SGMS2: variants seen among roughly 807,000 people sequenced by gnomAD.
The protein encoded by SGMS2 is phosphatidylcholine:ceramide cholinephosphotransferase 2.
A neutral mutation model predicts 43.8 loss-of-function variants in SGMS2; 21 were observed. The ratio of observed to expected loss-of-function variants is 0.48; its 90% CI spans 0.34 to 0.69. The LOEUF (loss-of-function observed/expected upper bound fraction) is 0.69. Among genes scored for constraint, SGMS2 ranks in the 30% least tolerant of loss-of-function variants. The pLI, the probability that SGMS2 is intolerant of heterozygous loss-of-function variation, is 0.01. For missense variants in SGMS2, 384 were observed against 443.2 expected (o/e 0.87, Z 1.20); for synonymous variants, 167 against 160.6 (o/e 1.04, Z -0.30).
At chr4:107,904,967 G>C (rs1422056363) in intron 5 of SGMS2, among the ~76,000 whole-genome samples, 3 of 152,176 alleles carry the variant, frequency 2.0e-5, no homozygotes, top group Non-Finnish European at 2.9e-5. Context: ...AGATGGGGAT[G>C]AGGGTGGAGG....
chr4:107,858,234 G>A (rs980279346), intron 1 of SGMS2, among the ~76,000 whole-genome samples: 1 of 152,108 alleles, frequency 6.6e-6, no homozygotes, highest in African/African-American at 2.4e-5. Context: ...CTTTAAATAG[G>A]GGCTGGCAGG....
chr4:107,847,273 C>T (rs1055332312), intron 1 of SGMS2, among the ~76,000 whole-genome samples: 125 of 152,136 alleles, frequency 8.2e-4, no homozygotes, highest in Non-Finnish European at 1.6e-3. Context: ...TTTAATCCAT[C>T]TCGAATTGAT....
intron 1 of SGMS2, among the ~76,000 whole-genome samples, chr4:107,856,028 T>C (rs979673417): frequency 3.9e-5 from 6 of 152,122 alleles, no homozygotes; most frequent in Non-Finnish European, 7.4e-5. Flanking sequence ...TTGCTGTCTC[T>C]GCAGTGATTT....
At chr4:107,830,727 GT>G (rs201463030) in intron 1 of SGMS2, among the ~76,000 whole-genome samples, 26 of 151,670 alleles carry the variant, frequency 1.7e-4, no homozygotes, top group African/African-American at 6.1e-4. Context: ...GGGGTTGTTG[GT>G]TTTTTTTGCT....
At chr4:107,901,528 G>A (rs1731108815) in intron 4 of SGMS2, among the ~76,000 whole-genome samples, 1 of 152,180 alleles carries the variant, frequency 6.6e-6, no homozygotes, top group Admixed American at 6.5e-5. Context: ...AGTAATTGAT[G>A]CCTGTACAAC....
At chr4:107,848,647 C>T (rs1395196041) in intron 1 of SGMS2, among the ~76,000 whole-genome samples, 1 of 152,058 alleles carries the variant, frequency 6.6e-6, no homozygotes. Flanking sequence ...AATTGCAAAT[C>T]CCTAATTGCA....
At chr4:107,860,908 G>A (rs1263421873) in intron 2 of SGMS2, among the ~76,000 whole-genome samples, 1 of 152,118 alleles carries the variant, frequency 6.6e-6, no homozygotes, top group Non-Finnish European at 1.5e-5. Flanking sequence ...AATTCTCATA[G>A]CTTAAATGTC....
rs146457153 is a variant in SGMS2 at position 107,872,349 on chromosome 4, G to A, written c.-245+13796G>A. ...CCTAATTGAATAGCCACCCTTTAAC[G>A]TCCCATCCTGCTTTGTCTTCGTAGC... is the stretch of plus-strand genomic sequence containing the variant. On this transcript the variant is annotated intron_variant, in intron 2 of 6. Coordinates refer to ENST00000690982, the MANE Select transcript of SGMS2 (RefSeq NM_001375905.1). 3.5e-3 allele frequency among the ~76,000 whole-genome samples: 533 copies of A among 151,966 alleles called. 4 individuals carry two copies. The highest frequency in any genetic ancestry group is 0.012 in the African/African-American group (502 of 41,440).
chr4:107,846,167 T>C (rs1190932904), intron 1 of SGMS2, among the ~76,000 whole-genome samples: 16 of 151,576 alleles, frequency 1.1e-4, no homozygotes, highest in Admixed American at 1.1e-3. Context: ...AATGTGCAGG[T>C]TAGTTACATA....
In SGMS2 at chr4:107,879,756, C is replaced by T. The variant is rs897892024; in HGVS notation, c.-244-15554C>T. 2.6e-5 allele frequency among the ~76,000 whole-genome samples: 4 copies of T among 152,302 alleles called. No homozygotes were observed. In the South Asian group the frequency reaches 6.2e-4, roughly 24 times the overall value. The stretch of plus-strand genomic sequence containing the variant: ...GGATTATAGGCGTGAGCCACCGCAC[C>T]TGGTGGGCTATACCTTAAACAGCTT... On this transcript the variant is annotated intron_variant, in intron 2 of 6. Coordinates refer to ENST00000690982, the MANE Select transcript of SGMS2 (RefSeq NM_001375905.1).
At chr4:107,878,108 G>C (rs1560654554) in intron 2 of SGMS2, among the ~76,000 whole-genome samples, 1 of 151,780 alleles carries the variant, frequency 6.6e-6, no homozygotes. Context: ...TAGAGATGGG[G>C]TTTCACCATG....
chr4:107,892,126 C>T (rs1299439142), intron 2 of SGMS2, among the ~76,000 whole-genome samples: 1 of 146,494 alleles, frequency 6.8e-6, no homozygotes, highest in African/African-American at 2.5e-5. Flanking sequence ...AAAAAAAAAA[C>T]CTCATCTTCC....
chr4:107,854,638 C>T (rs1456753203), intron 1 of SGMS2, among the ~76,000 whole-genome samples: 2 of 152,280 alleles, frequency 1.3e-5, no homozygotes, highest in East Asian at 3.9e-4. Context: ...ACTGTCTCCT[C>T]CTCAGCTCTG....
chr4:107,827,210 C>T (rs1001839358), intron 1 of SGMS2, among the ~76,000 whole-genome samples: 11 of 152,164 alleles, frequency 7.2e-5, no homozygotes, highest in Admixed American at 7.2e-4. Context: ...CCACCTTTAG[C>T]GTGTTGTCTC....
At chr4:107,849,656 TTGACTTTTTAAAGATCAC>T (rs1450583902) in intron 1 of SGMS2, among the ~76,000 whole-genome samples, 1 of 135,648 alleles carries the variant, frequency 7.4e-6, no homozygotes, top group African/African-American at 3.8e-5. Context: ...AAGATCACAA[TTGACTTTTTAAAGATCAC>T]AATATCAGAG....
At chr4:107,824,877 A>C (rs1578483197), upstream of SGMS2, 1 of 152,614 alleles carries the variant, frequency 6.6e-6, no homozygotes, top group East Asian at 1.9e-4. Context: ...CGCAGGGCGC[A>C]GGGAGCGGGC....
intron 2 of SGMS2, among the ~76,000 whole-genome samples, chr4:107,858,799 G>T (rs1727564427): frequency 6.6e-6 from 1 of 152,110 alleles, no homozygotes; most frequent in South Asian, 2.1e-4. Flanking sequence ...TCTCGGTCTT[G>T]GATTGCCGTT....
intron 2 of SGMS2, among the ~76,000 whole-genome samples, chr4:107,864,896 A>G (rs1403644974): frequency 2.0e-5 from 3 of 152,158 alleles, no homozygotes; most frequent in Non-Finnish European, 4.4e-5. Context: ...GGGAAAATGC[A>G]TTTAAGTTTG....
At chr4:107,857,531 G>GATAT (rs112123351) in intron 1 of SGMS2, among the ~76,000 whole-genome samples, 9,323 of 144,730 alleles carry the variant, frequency 0.064, 383 homozygotes, top group African/African-American at 0.1. Flanking sequence ...GTAGTTAAAA[G>GATAT]ATATATATAT....
Sources: gnomAD v4.1 joint callset for allele counts (sites outside exome capture counted in the v4.1 genomes callset) on GRCh38, gnomAD v4.1.1 for gene constraint, MANE v1.5 for transcripts, NCBI Gene and HGNC (gene_info 2026-07-23, HGNC 2026-07-21) for gene names.